The following PCDH15 variants were observed in gnomAD, a reference collection of about 807,000 sequenced individuals.
PCDH15 encodes the protein protocadherin related 15.
A neutral mutation model predicts 178.5 loss-of-function variants in PCDH15; 129 were observed. The ratio of observed to expected loss-of-function variants is 0.72; its 90% CI spans 0.63 to 0.84. The LOEUF is 0.84. Among genes scored for constraint, PCDH15 ranks in the 40% least tolerant of loss-of-function variants. PCDH15 has a pLI of 0.00. For synonymous variants in PCDH15, 800 were observed against 732.0 expected, an observed-to-expected ratio of 1.09 and a Z score of -1.50; for missense variants, 2,230 against 2,099.9, an observed-to-expected ratio of 1.06 and a Z score of -1.21.
Position 53,938,799 on chromosome 10 carries a change from A to T in PCDH15, c.3373+16T>A. 6.2e-7 allele frequency: 1 copy of T among 1,611,244 alleles called. No individual in the cohort carries two copies. The highest frequency in any genetic ancestry group is 2.2e-5 in the East Asian group (1 of 44,842). Reference sequence around the variant, plus strand: ...ACCATACAATTCTGGTAAAAGCTTTAAGTAGTATAACTTACTTTTTGAAGG... The same window carrying T: ...ACCATACAATTCTGGTAAAAGCTTTTAGTAGTATAACTTACTTTTTGAAGG... On this transcript the variant is annotated intron_variant, in intron 25 of 37. Coordinates refer to ENST00000644397, the MANE Select transcript of PCDH15 (RefSeq NM_001384140.1).
At chr10:54,631,685 G>C (rs1400012004) in intron 2 of PCDH15, among the ~76,000 whole-genome samples, 1 of 152,112 alleles carries the variant, frequency 6.6e-6, no homozygotes, top group African/African-American at 2.4e-5. Flanking sequence ...GCCTGAGACT[G>C]GGTAATTTAT....
chr10:54,583,996 T>A (rs919405987), intron 2 of PCDH15, among the ~76,000 whole-genome samples: 3 of 152,122 alleles, frequency 2.0e-5, no homozygotes, highest in Non-Finnish European at 2.9e-5. Flanking sequence ...TTATTTAGTA[T>A]ATTAATAAAA....
At chr10:54,351,910 G>A (rs1392408574) in intron 5 of PCDH15, among the ~76,000 whole-genome samples, 1 of 152,130 alleles carries the variant, frequency 6.6e-6, no homozygotes, top group Non-Finnish European at 1.5e-5. Flanking sequence ...GCAAGCACAT[G>A]CAAGTAGAAT....
chr10:55,094,612 C>T (rs1484054410), intron 2 of PCDH15, among the ~76,000 whole-genome samples: 1 of 151,922 alleles, frequency 6.6e-6, no homozygotes, highest in African/African-American at 2.4e-5. Flanking sequence ...TTACAATTTA[C>T]AATAATGTTT....
intron 3 of PCDH15, 140 bp downstream of exon 3, chr10:54,527,672 A>T (rs1230211544): frequency 5.8e-6 from 3 of 515,234 alleles, no homozygotes; most frequent in Non-Finnish European, 1.0e-5. Context: ...GGCATAATTT[A>T]AACCCATACT....
At chr10:54,675,017 T>C (rs924239703) in intron 1 of PCDH15, among the ~76,000 whole-genome samples, 2 of 152,088 alleles carry the variant, frequency 1.3e-5, no homozygotes, top group African/African-American at 2.4e-5. Context: ...CCTAATTTTA[T>C]AGTGTATCCT....
At chr10:54,850,343 G>A (rs1320831099) in intron 3 of PCDH15, among the ~76,000 whole-genome samples, 1 of 151,994 alleles carries the variant, frequency 6.6e-6, no homozygotes, top group Non-Finnish European at 1.5e-5. Flanking sequence ...TGTTACACGA[G>A]TAAGTTTCTT....
At position 54,451,490 on chromosome 10, in the gene PCDH15, A is replaced by C. The variant is rs1409805886; in HGVS notation, c.158-72548T>G. 2.0e-5 allele frequency among the ~76,000 whole-genome samples: 3 copies of C among 151,964 alleles called. No individual in the cohort carries two copies. The East Asian group carries it at 5.8e-4, about 29-fold the overall frequency. ...TATACAATAAGCATCTGCGTTTTGG[A>C]AAGTTAAACTAAAAATTATTTTGTC... is the stretch of plus-strand genomic sequence containing the variant. On this transcript the variant is annotated intron_variant, in intron 3 of 37. Transcript: ENST00000644397.
intron 3 of PCDH15, among the ~76,000 whole-genome samples, chr10:54,400,661 G>A (rs961667879): frequency 6.6e-6 from 1 of 152,036 alleles, no homozygotes; most frequent in Non-Finnish European, 1.5e-5. Flanking sequence ...GATACAATTT[G>A]TCATTCTTGC....
At chr10:54,571,527 G>A (rs1437629328) in intron 2 of PCDH15, among the ~76,000 whole-genome samples, 1 of 151,900 alleles carries the variant, frequency 6.6e-6, no homozygotes, top group Non-Finnish European at 1.5e-5. Context: ...AACCGAAAAG[G>A]CAATGTACTA....
intron 1 of PCDH15, among the ~76,000 whole-genome samples, chr10:55,261,037 C>T (rs992683726): frequency 6.6e-6 from 1 of 151,748 alleles, no homozygotes; most frequent in Non-Finnish European, 1.5e-5. Context: ...AACACCAACA[C>T]TAAAAATGAA....
At chr10:53,980,089 CGGGCACCTGTAATCCAAGCTACTTGGGA>C (rs2090503008) in intron 21 of PCDH15, among the ~76,000 whole-genome samples, 1 of 148,026 alleles carries the variant, frequency 6.8e-6, no homozygotes, top group Admixed American at 6.6e-5. Context: ...GGCATCGTGG[CGGGCACCTGTAATCCAAGCTACTTGGGA>C]GGCTGAGGTA....
intron 3 of PCDH15, among the ~76,000 whole-genome samples, chr10:54,389,715 G>T (rs981240485): frequency 2.0e-5 from 3 of 150,220 alleles, no homozygotes; most frequent in African/African-American, 7.4e-5. Flanking sequence ...GAGGCGGGTG[G>T]ATCACTTGAA....
chr10:54,044,956 ATCT>A (rs2093627643), intron 18 of PCDH15, among the ~76,000 whole-genome samples: 1 of 152,124 alleles, frequency 6.6e-6, no homozygotes, highest in Non-Finnish European at 1.5e-5. Context: ...CAAGAAGTTC[ATCT>A]CATGGCAAAG....
chr10:54,846,307 T>G (rs913522318), intron 3 of PCDH15, among the ~76,000 whole-genome samples: 5 of 152,114 alleles, frequency 3.3e-5, no homozygotes, highest in South Asian at 4.2e-4. Context: ...AGAAAAAAAT[T>G]TTTTAGGTCA....
chr10:53,898,952 A>G (rs1295366083), intron 26 of PCDH15, among the ~76,000 whole-genome samples: 1 of 152,202 alleles, frequency 6.6e-6, no homozygotes, highest in Non-Finnish European at 1.5e-5. Flanking sequence ...TGAGTATATT[A>G]AAACCAGAGA....
intron 1 of PCDH15, among the ~76,000 whole-genome samples, chr10:54,683,383 G>A (rs2094935008): frequency 6.6e-6 from 1 of 151,860 alleles, no homozygotes; most frequent in Admixed American, 6.6e-5. Flanking sequence ...ATTATTCTAT[G>A]TTATTTCTCT....
At chr10:54,099,513 AATATAT>A (rs1554965277) in intron 15 of PCDH15, among the ~76,000 whole-genome samples, 2 of 117,900 alleles carry the variant, frequency 1.7e-5, no homozygotes, top group Admixed American at 8.9e-5. Flanking sequence ...AAAAAAAAAA[AATATAT>A]ATATATATAT....
chr10:54,989,921 G>C (rs1839459989), intron 2 of PCDH15, among the ~76,000 whole-genome samples: 1 of 152,246 alleles, frequency 6.6e-6, no homozygotes, highest in Non-Finnish European at 1.5e-5. Context: ...TTCCCATGCT[G>C]TTCTCATGAT....
Sources: gnomAD v4.1 joint callset for allele counts (sites outside exome capture counted in the v4.1 genomes callset) on GRCh38, gnomAD v4.1.1 for gene constraint, MANE v1.5 for transcripts, NCBI Gene and HGNC (gene_info 2026-07-23, HGNC 2026-07-21) for gene names.